NAALADL2: variants seen among roughly 807,000 people sequenced by gnomAD.
NAALADL2 encodes inactive N-acetylated-alpha-linked acidic dipeptidase-like protein 2.
NAALADL2 carries 76 observed loss-of-function variants against 87.2 expected under a neutral mutation model. The ratio of observed to expected loss-of-function variants is 0.87; its 90% CI spans 0.72 to 1.05. The LOEUF is 1.05. Ranked by LOEUF, NAALADL2 falls within the 50% of genes least tolerant of loss-of-function variation. The pLI, the probability that NAALADL2 is intolerant of heterozygous loss-of-function variation, is 0.00. For synonymous variants in NAALADL2, 354 were observed against 331.0 expected, an observed-to-expected ratio of 1.07 and a Z score of -0.75; for missense variants, 1,089 against 945.8, an observed-to-expected ratio of 1.15 and a Z score of -1.99.
chr3:175,132,640 T>C (rs190715987), intron 2 of NAALADL2, among the ~76,000 whole-genome samples: 120 of 77,952 alleles, frequency 1.5e-3, no homozygotes, highest in Middle Eastern at 0.01. Flanking sequence ...CCGGACGGGG[T>C]GGCTGGCCGG....
rs3067322 is a variant in NAALADL2 at position 175,355,022 on chromosome 3, A to ATGTGTGTGTGTGTG, written c.1090+30721_1090+30734dup. Among the ~76,000 whole-genome samples, 342 of 139,418 alleles carry ATGTGTGTGTGTGTG rather than the reference A, an allele frequency of 2.5e-3. 2 individuals are homozygous for ATGTGTGTGTGTGTG. Among genetic ancestry groups the ATGTGTGTGTGTGTG allele is most frequent in the African/African-American group, 8.9e-3 (324 of 36,268 alleles). 91.5% of individuals were successfully genotyped at this position (139,418 alleles called of 152,430 possible). On this transcript the variant is annotated intron_variant, in intron 5 of 13. Transcript: ENST00000454872. ...TTATATATATAATTGCTATATATAT[A>ATGTGTGTGTGTGTG]TGTGTGTGTGTGTGTGTGTGTGTGT...
intron 2 of NAALADL2, among the ~76,000 whole-genome samples, chr3:174,568,956 C>T (rs1451598068): frequency 6.6e-6 from 1 of 151,260 alleles, no homozygotes; most frequent in Admixed American, 6.6e-5. Context: ...TTTCCAGGTT[C>T]CTAACATTTT....
At chr3:175,793,971 G>A (rs1044396613) in intron 13 of NAALADL2, among the ~76,000 whole-genome samples, 2 of 152,008 alleles carry the variant, frequency 1.3e-5, no homozygotes, top group African/African-American at 4.8e-5. Flanking sequence ...AAAACACATA[G>A]TCCACATCCT....
At chr3:175,570,577 G>A (rs994708049) in intron 9 of NAALADL2, among the ~76,000 whole-genome samples, 8 of 151,938 alleles carry the variant, frequency 5.3e-5, no homozygotes, top group South Asian at 4.1e-4. Context: ...TAACTGAAAC[G>A]AAAAGAAAGT....
intron 13 of NAALADL2, among the ~76,000 whole-genome samples, chr3:175,788,099 T>A (rs963077096): frequency 6.7e-6 from 1 of 149,426 alleles, no homozygotes; most frequent in African/African-American, 2.5e-5. Context: ...TTTTTTTTTT[T>A]TTTTTTTTTT....
At chr3:175,512,370 T>C (rs1289790363) in intron 9 of NAALADL2, among the ~76,000 whole-genome samples, 2 of 152,210 alleles carry the variant, frequency 1.3e-5, no homozygotes, top group Non-Finnish European at 2.9e-5. Context: ...TGGTCAATGA[T>C]ATCACCAATT....
intron 1 of NAALADL2, among the ~76,000 whole-genome samples, chr3:175,002,369 A>G (rs1748370557): frequency 6.6e-6 from 1 of 152,208 alleles, no homozygotes; most frequent in Admixed American, 6.5e-5. Flanking sequence ...TGACCTAAAA[A>G]GCAAAAGGAT....
At chr3:175,536,658 T>C (rs1582299713) in intron 9 of NAALADL2, among the ~76,000 whole-genome samples, 1 of 152,206 alleles carries the variant, frequency 6.6e-6, no homozygotes, top group East Asian at 1.9e-4. Flanking sequence ...AAACCTATTT[T>C]ATTTTGTTAA....
At chr3:175,458,993 C>T (rs960983830) in intron 6 of NAALADL2, among the ~76,000 whole-genome samples, 2 of 152,062 alleles carry the variant, frequency 1.3e-5, no homozygotes, top group African/African-American at 4.8e-5. Context: ...CCTTCTCACA[C>T]AGAGGTACAC....
At position 175,807,134 on chromosome 3, in the gene NAALADL2, A is replaced by C. The variant is rs948769154; in HGVS notation, c.*3931A>C. On this transcript the variant is annotated 3_prime_UTR_variant, in exon 14 of 14. Coordinates refer to ENST00000454872, the MANE Select transcript of NAALADL2 (RefSeq NM_207015.3). The stretch of plus-strand genomic sequence containing the variant: ...CTTACAAACAGTAAAAAGAGACCAG[A>C]AACCACAAGTCTTACACTTTCATTC... 3 of 151,834 alleles carry C rather than the reference A, an allele frequency of 2.0e-5. No individual in the cohort carries two copies. The highest frequency in any genetic ancestry group is 4.4e-5 in the Non-Finnish European group (3 of 67,860). The allele number at this position is 151,834 out of a possible 1,614,324, so 9.4% of individuals were successfully genotyped here. A position where few individuals can be genotyped will look rare whatever the true frequency, so the allele number is the denominator to read the frequency against.
At chr3:174,446,191 G>A (rs1001587659) in intron 1 of NAALADL2, among the ~76,000 whole-genome samples, 2 of 151,884 alleles carry the variant, frequency 1.3e-5, no homozygotes, top group African/African-American at 4.8e-5. Context: ...TTATGCTCTG[G>A]GTATTAATTA....
chr3:174,888,609 G>A (rs770139203), intron 1 of NAALADL2, among the ~76,000 whole-genome samples: 4 of 152,164 alleles, frequency 2.6e-5, no homozygotes, highest in African/African-American at 9.7e-5. Context: ...CCTGGTATCC[G>A]AGGAATCTGA....
At chr3:175,087,331 G>C (rs2108288995) in intron 1 of NAALADL2, among the ~76,000 whole-genome samples, 1 of 152,288 alleles carries the variant, frequency 6.6e-6, no homozygotes, top group Admixed American at 6.5e-5. Context: ...GAAGGAGGTT[G>C]GGGGCGCCTC....
At chr3:175,379,870 G>A (rs1399396724) in intron 5 of NAALADL2, among the ~76,000 whole-genome samples, 1 of 152,132 alleles carries the variant, frequency 6.6e-6, no homozygotes, top group East Asian at 1.9e-4. Flanking sequence ...GCCACAGAGG[G>A]ATTGGTGGAA....
At chr3:175,124,126 ACTT>A (rs1296915883) in intron 2 of NAALADL2, among the ~76,000 whole-genome samples, 1 of 151,838 alleles carries the variant, frequency 6.6e-6, no homozygotes, top group Non-Finnish European at 1.5e-5. Context: ...TAAATATTTG[ACTT>A]CTTCTGTTTG....
At chr3:175,774,052 A>T (rs1323798815) in intron 13 of NAALADL2, among the ~76,000 whole-genome samples, 1 of 152,114 alleles carries the variant, frequency 6.6e-6, no homozygotes, top group Non-Finnish European at 1.5e-5. Flanking sequence ...CTATTTATTG[A>T]TGATGTATGG....
intron 1 of NAALADL2, among the ~76,000 whole-genome samples, chr3:174,889,725 A>C (rs2109782287): frequency 6.6e-6 from 1 of 152,128 alleles, no homozygotes; most frequent in South Asian, 2.1e-4. Flanking sequence ...ACCTCCTAGA[A>C]ATTCAATTGA....
intron 1 of NAALADL2, among the ~76,000 whole-genome samples, chr3:174,996,059 T>G (rs949015417): frequency 2.3e-4 from 35 of 152,220 alleles, no homozygotes; most frequent in African/African-American, 8.2e-4. Flanking sequence ...AGTTAAGGTC[T>G]ACTGAATTTT....
chr3:175,027,999 T>G (rs1752409567), intron 1 of NAALADL2, among the ~76,000 whole-genome samples: 1 of 152,052 alleles, frequency 6.6e-6, no homozygotes, highest in Non-Finnish European at 1.5e-5. Context: ...TCAATACAAG[T>G]AAGGGCATTT....
Sources: gnomAD v4.1 joint callset for allele counts (sites outside exome capture counted in the v4.1 genomes callset) on GRCh38, gnomAD v4.1.1 for gene constraint, MANE v1.5 for transcripts, NCBI Gene and HGNC (gene_info 2026-07-23, HGNC 2026-07-21) for gene names.